B3GNT3: variants seen among roughly 807,000 people sequenced by gnomAD.
B3GNT3 encodes N-acetyllactosaminide beta-1,3-N-acetylglucosaminyltransferase 3.
A neutral mutation model predicts 11.6 loss-of-function variants in B3GNT3; 7 were observed. That is an observed-to-expected ratio of 0.60 (90% CI 0.34 to 1.13). The LOEUF (loss-of-function observed/expected upper bound fraction) is 1.13. Ranked by LOEUF, B3GNT3 falls within the 50% of genes most tolerant of loss-of-function variation. The pLI is 0.03. For synonymous variants in B3GNT3, 201 were observed against 222.1 expected, an observed-to-expected ratio of 0.90 and a Z score of 0.85; for missense variants, 400 against 507.4, an observed-to-expected ratio of 0.79 and a Z score of 2.03.
intron 2 of B3GNT3, among the ~76,000 whole-genome samples, chr19:17,809,724 C>T (rs1289334859): frequency 2.0e-5 from 3 of 151,954 alleles, no homozygotes; most frequent in South Asian, 2.1e-4. Context: ...GCTGGGATTA[C>T]AGGTATGAGC....
At chr19:17,804,080 C>G (rs1382529569) in intron 1 of B3GNT3, among the ~76,000 whole-genome samples, 1 of 152,120 alleles carries the variant, frequency 6.6e-6, no homozygotes, top group Admixed American at 6.6e-5. Context: ...ACCTGGATAC[C>G]AGACTGAGCC....
Position 17,808,217 on chromosome 19 carries a change from G to T in B3GNT3, c.410G>T (p.Arg137Leu). The T allele has an allele frequency of 6.2e-7, 1 of 1,613,358 alleles. No individual in the cohort carries two copies. The highest frequency in any genetic ancestry group is 8.5e-7 in the Non-Finnish European group (1 of 1,179,682). ...ACGTGGGGCCGCGAGCGCAAGGTAC[G>T]GGGTTTGCAGCTGCGCCTCCTCTTC... ...RRTWGRERKV[R>L]GLQLRLLFLV... The change falls in exon 2 of 3, where the codon CGG (arginine) becomes CTG (leucine). Residue 137 changes from arginine to leucine, a missense_variant. Transcript: ENST00000318683.
chr19:17,803,772 G>A (rs1218051529), intron 1 of B3GNT3, among the ~76,000 whole-genome samples: 2 of 151,774 alleles, frequency 1.3e-5, no homozygotes, highest in Admixed American at 6.6e-5. Flanking sequence ...GATCACTTGA[G>A]CCCAGGAGCT....
At chr19:17,804,431 G>T (rs1599846118) in intron 1 of B3GNT3, among the ~76,000 whole-genome samples, 2 of 146,372 alleles carry the variant, frequency 1.4e-5, no homozygotes, top group African/African-American at 2.5e-5. Context: ...GTAGAGATGG[G>T]GTTTTGCCAT....
At chr19:17,806,673 G>A (rs766289310) in intron 1 of B3GNT3, among the ~76,000 whole-genome samples, 2 of 152,160 alleles carry the variant, frequency 1.3e-5, no homozygotes, top group Non-Finnish European at 2.9e-5. Flanking sequence ...CTGGGTTCCG[G>A]CTGGGGACGG....
chr19:17,812,211 T>G lies in B3GNT3; in HGVS notation c.*89T>G. 1.4e-6 allele frequency: 2 copies of G among 1,394,178 alleles called. No individual in the cohort carries two copies. Among genetic ancestry groups the G allele is most frequent in the Non-Finnish European group, 1.9e-6 (2 of 1,052,336 alleles). 86.4% of individuals were successfully genotyped at this position (1,394,178 alleles called of 1,614,324 possible). ...CCAGGAAGCTGAGACCTTTGTGGTC[T>G]GAGCATAAGGGAGTGCCAGGGAAGG... On this transcript the variant is annotated 3_prime_UTR_variant, in exon 3 of 3. Transcript: ENST00000318683.
In B3GNT3 at chr19:17,808,044, C is replaced by A. The variant is rs144099310; in HGVS notation, c.237C>A (p.His79Gln). 6.2e-7 allele frequency: 1 copy of A among 1,613,246 alleles called. No individual in the cohort carries two copies. Among genetic ancestry groups the A allele is most frequent in the African/African-American group, 1.3e-5 (1 of 74,792 alleles). The change falls in exon 2 of 3, where the codon CAC becomes CAA. Residue 79 changes from histidine to glutamine, a missense_variant. Transcript: ENST00000318683. ...CGGACTTCGCCACGCAGCCGCAGCA[C>A]GTTCAGAACTTCCTCCTGTACAGAC... is the stretch of plus-strand genomic sequence containing the variant. ...THPDFATQPQHVQNFLLYRHC... is the reference protein window; with the variant it reads ...THPDFATQPQQVQNFLLYRHC...
chr19:17,800,071 A>T (rs1389296594), intron 1 of B3GNT3, among the ~76,000 whole-genome samples: 2 of 152,076 alleles, frequency 1.3e-5, no homozygotes, highest in African/African-American at 4.8e-5. Flanking sequence ...TCTCTTGCAG[A>T]CAGTGACAAG....
In B3GNT3 at chr19:17,807,960, T is replaced by TCCGGCCCCCCCCC; in HGVS notation, c.155_156insGGCCCCCCCCCCC (p.Pro53AlafsTer54). The stretch of plus-strand genomic sequence containing the variant: ...TCCCCGAGGCCCTGGCCTGGCCCAC[T>TCCGGCCCCCCCCC]CCACCCACCCGCCCAGCCCCGGCCC... On this transcript the variant is annotated frameshift_variant, in exon 2 of 3. Coordinates refer to ENST00000318683, the MANE Select transcript of B3GNT3 (RefSeq NM_014256.4). LOFTEE classifies it high-confidence loss of function. 3.1e-6 allele frequency: 5 copies of TCCGGCCCCCCCCC among 1,609,548 alleles called. No homozygotes were observed. The highest frequency in any genetic ancestry group is 3.4e-6 in the Non-Finnish European group (4 of 1,178,130).
At chr19:17,807,279 CA>C (rs1437328503) in intron 1 of B3GNT3, among the ~76,000 whole-genome samples, 1 of 151,844 alleles carries the variant, frequency 6.6e-6, no homozygotes, top group East Asian at 1.9e-4. Flanking sequence ...CACTTGAGGT[CA>C]GGAGTTCAAG....
chr19:17,807,517 A>C (rs1397301291), intron 1 of B3GNT3, among the ~76,000 whole-genome samples: 1 of 151,824 alleles, frequency 6.6e-6, no homozygotes, highest in African/African-American at 2.4e-5. Flanking sequence ...CTCAAAAAAA[A>C]AAAACAAAAT....
In B3GNT3 at chr19:17,804,533, C is replaced by CTTTTTTTTTTTTT. The variant is rs67513010; in HGVS notation, c.-50-3215_-50-3203dup. On this transcript the variant is annotated intron_variant, in intron 1 of 2. Coordinates refer to ENST00000318683, the MANE Select transcript of B3GNT3 (RefSeq NM_014256.4). ...TACAGGCGTGAGCCACCGTGCCCAG[C>CTTTTTTTTTTTTT]TTTTTTTTTTTTTTTTTTTTTTGAG... Among the ~76,000 whole-genome samples, 19 of 57,014 alleles carry CTTTTTTTTTTTTT rather than the reference C, an allele frequency of 3.3e-4. 7 individuals carry two copies. Among genetic ancestry groups the CTTTTTTTTTTTTT allele is most frequent in the African/African-American group, 1.1e-3 (13 of 12,050 alleles). 37.4% of individuals were successfully genotyped at this position (57,014 alleles called of 152,430 possible).
intron 1 of B3GNT3, among the ~76,000 whole-genome samples, chr19:17,798,074 A>C (rs994205640): frequency 1.3e-5 from 2 of 152,132 alleles, no homozygotes; most frequent in Non-Finnish European, 2.9e-5. Flanking sequence ...TGGAAGGCTC[A>C]GTGAGACTCC....
Position 17,808,171 on chromosome 19 carries a change from C to A in B3GNT3, c.364C>A (p.Arg122Ser), listed in dbSNP as rs764743027. Residue 122 changes from arginine (R) to serine (S), a missense_variant, in exon 2 of 3, where the codon CGC (arginine) becomes AGC (serine). By Grantham distance (110) the Arg-to-Ser change is moderately radical (BLOSUM62 -1). Coordinates refer to ENST00000318683, the MANE Select transcript of B3GNT3 (RefSeq NM_014256.4). ...VIKSSPSNYVRRELLRRTWGR... is the reference protein window; with the variant it reads ...VIKSSPSNYVSRELLRRTWGR... ...CAAGTCCTCCCCTAGCAACTATGTGCGCCGCGAGCTGCTGCGGCGCACGTG... is the reference window on the plus strand; with the variant it reads ...CAAGTCCTCCCCTAGCAACTATGTGAGCCGCGAGCTGCTGCGGCGCACGTG... 2 of 1,611,144 alleles carry A rather than the reference C, an allele frequency of 1.2e-6. No individual in the cohort carries two copies. The highest frequency in any genetic ancestry group is 2.2e-5 in the South Asian group (2 of 90,914).
Position 17,813,147 on chromosome 19 carries a change from A to C in B3GNT3, c.*1025A>C, listed in dbSNP as rs1443515799. On this transcript the variant is annotated 3_prime_UTR_variant, in exon 3 of 3. Coordinates refer to ENST00000318683, the MANE Select transcript of B3GNT3 (RefSeq NM_014256.4). The stretch of plus-strand genomic sequence containing the variant: ...AGACAAGTCCACATTCATCCCTAAA[A>C]GTCTCATTTTCCAGTAGAAAATATA... 6.6e-6 allele frequency: 1 copy of C among 151,942 alleles called. No homozygotes were observed. The highest frequency in any genetic ancestry group is 1.5e-5 in the Non-Finnish European group (1 of 67,998). 9.4% of individuals were successfully genotyped at this position (151,942 alleles called of 1,614,324 possible).
chr19:17,806,967 C>T (rs2094173791), intron 1 of B3GNT3, among the ~76,000 whole-genome samples: 1 of 146,440 alleles, frequency 6.8e-6, no homozygotes, highest in South Asian at 2.2e-4. Flanking sequence ...AAAAAAAAGT[C>T]CTGGGTTCTG....
intron 2 of B3GNT3, among the ~76,000 whole-genome samples, chr19:17,808,674 G>A (rs1270586995): frequency 2.0e-5 from 3 of 152,092 alleles, no homozygotes; most frequent in African/African-American, 7.2e-5. Context: ...TCACCTCTCT[G>A]TGCCTCACTT....
intron 2 of B3GNT3, among the ~76,000 whole-genome samples, chr19:17,810,830 G>A (rs1431023567): frequency 3.3e-5 from 5 of 151,138 alleles, no homozygotes; most frequent in Admixed American, 2.0e-4. Flanking sequence ...GCAGTGAGCC[G>A]AGATTGCACC....
intron 1 of B3GNT3, among the ~76,000 whole-genome samples, chr19:17,807,111 A>AGTGT (rs56140662): frequency 4.6e-4 from 53 of 116,294 alleles, no homozygotes; most frequent in South Asian, 2.8e-3. Context: ...CAGTGGCCCC[A>AGTGT]GTGTGTGTGT....
Sources: allele counts gnomAD v4.1 joint callset (sites outside exome capture counted in the v4.1 genomes callset), GRCh38; gene constraint gnomAD v4.1.1; transcripts MANE v1.5; gene names NCBI Gene and HGNC (gene_info 2026-07-23, HGNC 2026-07-21).